The following CP variants were observed in gnomAD, a reference collection of about 807,000 sequenced individuals.
CP encodes caeruloplasmin.
In CP, 64 loss-of-function variants were observed where a neutral mutation model predicts 122.4. That is an observed-to-expected ratio of 0.52 (90% CI 0.43 to 0.64). CP has a LOEUF of 0.64. CP is among the 30% of genes least tolerant of loss of function. The pLI, the probability that CP is intolerant of heterozygous loss-of-function variation, is 0.00. For synonymous variants in CP, 440 were observed against 436.4 expected (o/e 1.01, Z -0.10); for missense variants, 1,167 against 1,284.4 (o/e 0.91, Z 1.40).
chr3:149,197,446 T>C (rs1231702200), intron 9 of CP, among the ~76,000 whole-genome samples: 1 of 151,928 alleles, frequency 6.6e-6, no homozygotes, highest in Non-Finnish European at 1.5e-5. Flanking sequence ...ACATCCCCAG[T>C]TAAGGGACAA....
chr3:149,192,682 CAT>C (rs201115439), intron 9 of CP, among the ~76,000 whole-genome samples: 7,154 of 151,312 alleles, frequency 0.047, 405 homozygotes, highest in African/African-American at 0.14. Flanking sequence ...CACACACACA[CAT>C]ATATATATTA....
chr3:149,181,981 C>CCCA, intron 14 of CP, 24 bp downstream of exon 14: 1 of 520,432 alleles, frequency 1.9e-6, no homozygotes, highest in Non-Finnish European at 3.7e-6. Context: ...AATGCACCAC[C>CCCA]CCCACCCCCG....
At chr3:149,180,254 T>G (rs1427181671) in intron 14 of CP, 1 of 158,938 alleles carries the variant, frequency 6.3e-6, no homozygotes, top group African/African-American at 2.4e-5. Context: ...CCAGTCCATC[T>G]CATTCTATCA....
At chr3:149,212,405 C>T in intron 2 of CP, 46 bp downstream of exon 2, 7 of 1,610,944 alleles carry the variant, frequency 4.3e-6, no homozygotes, top group Non-Finnish European at 5.9e-6. Context: ...AAAGGCACTT[C>T]TACTGAAAAG....
intron 13 of CP, 47 bp downstream of exon 13, chr3:149,183,419 C>G: frequency 6.3e-7 from 1 of 1,585,784 alleles, no homozygotes; most frequent in Non-Finnish European, 8.6e-7. Context: ...CTGCAGGTAG[C>G]ATCACATCAT....
chr3:149,210,293 C>G lies in CP; in HGVS notation c.481G>C (p.Ala161Pro). Reference sequence around the variant, plus strand: ...TCCCCAGGACTTTGTTCTTCAGTGGCAAGCAACATGTATGTATACTGCTCT... The same window carrying G: ...TCCCCAGGACTTTGTTCTTCAGTGGGAAGCAACATGTATGTATACTGCTCT... ...PGEQYTYMLL[A>P]TEEQSPGEGD... The change falls in exon 3 of 19, where the codon GCC (alanine) becomes CCC (proline). Residue 161 changes from alanine to proline, a missense_variant. Physicochemically the swap from Ala to Pro is conservative, Grantham distance 27. This residue lies in a region of CP where 642 missense variants were observed against 627.3 expected (regional missense o/e 1.02). Transcript: ENST00000264613. The G allele has an allele frequency of 6.2e-7, 1 of 1,614,090 alleles. No homozygotes were observed. Among genetic ancestry groups the G allele is most frequent in the Non-Finnish European group, 8.5e-7 (1 of 1,179,944 alleles).
At position 149,188,126 on chromosome 3, in the gene CP, ATAT is replaced by A; in HGVS notation, c.1787_1789del (p.Asn596del). 4 of 1,612,868 alleles carry A rather than the reference ATAT, an allele frequency of 2.5e-6. No individual in the cohort carries two copies. Among genetic ancestry groups the A allele is most frequent in the African/African-American group, 1.3e-5 (1 of 75,028 alleles). On this transcript the variant is annotated inframe_deletion, in exon 10 of 19. Coordinates refer to ENST00000264613, the MANE Select transcript of CP (RefSeq NM_000096.4). ...ATCAGGTGCAGTTGTAAACATTCTAATATTATCTTCCAGGAGTAAACTCTCATT... is the reference window on the plus strand; with the variant it reads ...ATCAGGTGCAGTTGTAAACATTCTAATATCTTCCAGGAGTAAACTCTCATT...
intron 1 of CP, among the ~76,000 whole-genome samples, chr3:149,213,759 GTT>G (rs1421922351): frequency 6.6e-6 from 1 of 151,976 alleles, no homozygotes; most frequent in Non-Finnish European, 1.5e-5. Context: ...TGAGGAATAA[GTT>G]TTGTCTTGTT....
chr3:149,173,824 T>C (rs1235868498), intron 18 of CP, 94 bp from the exon 19 acceptor site: 2 of 619,762 alleles, frequency 3.2e-6, no homozygotes, highest in African/African-American at 3.8e-5. Flanking sequence ...TTTTTAATGT[T>C]ACTTTACTCC....
intron 9 of CP, among the ~76,000 whole-genome samples, chr3:149,188,746 AC>A (rs1726354665): frequency 6.6e-6 from 1 of 152,046 alleles, no homozygotes; most frequent in African/African-American, 2.4e-5. Flanking sequence ...AGTGGAAAAA[AC>A]AAAAAAAAAG....
intron 6 of CP, among the ~76,000 whole-genome samples, chr3:149,202,908 C>CT (rs34145911): frequency 0.092 from 10,118 of 110,270 alleles, 576 homozygotes; most frequent in Non-Finnish European, 0.11. Context: ...CATGCCTGGC[C>CT]TTTTTTTTTT....
intron 7 of CP, among the ~76,000 whole-genome samples, chr3:149,200,956 G>A (rs989724531): frequency 6.6e-6 from 1 of 152,082 alleles, no homozygotes; most frequent in Non-Finnish European, 1.5e-5. Flanking sequence ...AAAAAAAAGT[G>A]AAGAACCAGG....
intron 9 of CP, among the ~76,000 whole-genome samples, chr3:149,194,637 T>C (rs1388740525): frequency 6.6e-6 from 1 of 151,970 alleles, no homozygotes; most frequent in Non-Finnish European, 1.5e-5. Context: ...AAGATCCATA[T>C]AAGAGGAACT....
chr3:149,221,676 A>T lies in CP; in HGVS notation c.117T>A (p.His39Gln), dbSNP rs770263704. ...CAACAGAAATAAGTTTCTTTTCCCCATGGTCAGAGGCATAATCCCAAGTCG... is the reference window on the plus strand; with the variant it reads ...CAACAGAAATAAGTTTCTTTTCCCCTTGGTCAGAGGCATAATCCCAAGTCG... ...IETTWDYASD[H>Q]GEKKLISVDT... The change falls in exon 1 of 19, where the codon CAT becomes CAA. Residue 39 changes from histidine to glutamine, a missense_variant. By Grantham distance (24) the His-to-Gln change is conservative. This residue lies in a region of CP where 642 missense variants were observed against 627.3 expected (regional missense o/e 1.02). Coordinates refer to ENST00000264613, the MANE Select transcript of CP (RefSeq NM_000096.4). 16 of 1,612,750 alleles carry T rather than the reference A, an allele frequency of 9.9e-6. No individual in the cohort carries two copies. The Admixed American group carries it at 2.7e-4, about 27-fold the overall frequency.
chr3:149,163,912 C>T (rs753053771), intron 5 of CP: 1 of 1,575,370 alleles, frequency 6.3e-7, no homozygotes, highest in Non-Finnish European at 8.7e-7. Flanking sequence ...GATTCTTTAG[C>T]TGATAAAAAT....
intron 18 of CP, chr3:149,176,048 T>G (rs918827845): frequency 5.1e-6 from 3 of 587,444 alleles, no homozygotes; most frequent in Non-Finnish European, 9.1e-6. Context: ...TTACAAGTAC[T>G]GGCTGTCAGG....
At chr3:149,175,756 TG>T (rs1293132689) in intron 18 of CP, among the ~76,000 whole-genome samples, 2 of 151,930 alleles carry the variant, frequency 1.3e-5, no homozygotes, top group African/African-American at 4.8e-5. Flanking sequence ...GTTTCTTCCC[TG>T]GATCTTTCAC....
At chr3:149,197,747 G>A (rs545352055) in intron 9 of CP, among the ~76,000 whole-genome samples, 2 of 152,228 alleles carry the variant, frequency 1.3e-5, no homozygotes, top group African/African-American at 4.8e-5. Flanking sequence ...GTGCAACCTA[G>A]ACCCCTCACA....
chr3:149,169,198 G>A (rs1724739520), downstream of CP, among the ~76,000 whole-genome samples: 2 of 152,098 alleles, frequency 1.3e-5, no homozygotes, highest in African/African-American at 2.4e-5. Flanking sequence ...GAAGCATTCT[G>A]TAACTGTTCA....
Sources: allele counts gnomAD v4.1 joint callset (sites outside exome capture counted in the v4.1 genomes callset), GRCh38; gene constraint gnomAD v4.1.1; regional missense constraint gnomAD v4.1.1; transcripts MANE v1.5; gene names NCBI Gene and HGNC (gene_info 2026-07-23, HGNC 2026-07-21).